The following MED13 variants were observed in gnomAD, a reference collection of about 807,000 sequenced individuals.
MED13 encodes the protein mediator of RNA polymerase II transcription subunit 13.
In MED13, 23 loss-of-function variants were observed where a neutral mutation model predicts 225.2. That is an observed-to-expected ratio of 0.10 (90% CI 0.07 to 0.14). The LOEUF (loss-of-function observed/expected upper bound fraction) is 0.14. Ranked by LOEUF, MED13 falls within the 10% of genes least tolerant of loss-of-function variation. The pLI, the probability that MED13 is intolerant of heterozygous loss-of-function variation, is 1.00. For missense variants in MED13, 2,197 were observed against 2,594.5 expected, an observed-to-expected ratio of 0.85 and a Z score of 3.33; for synonymous variants, 942 against 889.2, an observed-to-expected ratio of 1.06 and a Z score of -1.06.
chr17:62,010,717 A>T lies in MED13; in HGVS notation c.1800T>A (p.Val600=). 1 of 1,608,348 alleles carries T rather than the reference A, an allele frequency of 6.2e-7. No individual in the cohort carries two copies. Residue 600 remains valine (V), a synonymous_variant, in exon 9 of 30, where the codon GTT becomes GTA. Coordinates refer to ENST00000397786, the MANE Select transcript of MED13 (RefSeq NM_005121.3). The stretch of plus-strand genomic sequence containing the variant: ...CTTCTTCCAAGTTTACTGCTGTACC[A>T]ACATATACTGTAGGTTCTACAGCTT... ...YQEAVEPTVY[V]GTAVNLEEDE...
intron 10 of MED13, 68 bp downstream of exon 10, chr17:61,995,084 A>C (rs2080335968): frequency 2.0e-6 from 2 of 1,010,872 alleles, no homozygotes; most frequent in Non-Finnish European, 3.0e-6. Context: ...CTGTGGTAGT[A>C]AGAGTGTTAC....
At chr17:61,997,444 C>T (rs1265960719) in intron 9 of MED13, among the ~76,000 whole-genome samples, 1 of 152,116 alleles carries the variant, frequency 6.6e-6, no homozygotes, top group Non-Finnish European at 1.5e-5. Context: ...TTTTTTACCT[C>T]ACCACATTAG....
chr17:62,016,987 G>A (rs2080588370), intron 8 of MED13, among the ~76,000 whole-genome samples: 1 of 150,964 alleles, frequency 6.6e-6, no homozygotes, highest in African/African-American at 2.4e-5. Flanking sequence ...CTCCAGCCTG[G>A]GTGACAGAAT....
At chr17:62,057,020 G>GA (rs571724153) in intron 2 of MED13, among the ~76,000 whole-genome samples, 2 of 151,332 alleles carry the variant, frequency 1.3e-5, no homozygotes, top group Non-Finnish European at 2.9e-5. Flanking sequence ...TATCAATGGG[G>GA]AAAAAAAATC....
At chr17:62,037,521 C>T (rs1291374980) in intron 3 of MED13, among the ~76,000 whole-genome samples, 11 of 148,726 alleles carry the variant, frequency 7.4e-5, no homozygotes, top group Admixed American at 6.7e-4. Flanking sequence ...AAAAATTAGC[C>T]GGAGGTGCAG....
chr17:61,995,599 AAT>A (rs1212026471), intron 9 of MED13, among the ~76,000 whole-genome samples: 2 of 152,180 alleles, frequency 1.3e-5, no homozygotes, highest in Non-Finnish European at 2.9e-5. Flanking sequence ...TTTCTACCAA[AAT>A]ATGTTGTCTT....
At position 61,961,022 on chromosome 17, in the gene MED13, C is replaced by T. The variant is rs374585320; in HGVS notation, c.5325G>A (p.Glu1775=). The change falls in exon 23 of 30, where the codon GAG becomes GAA. Residue 1775 remains glutamate (E), a synonymous_variant. Coordinates refer to ENST00000397786, the MANE Select transcript of MED13 (RefSeq NM_005121.3). ...CAGCTTCTCCAAATGTTTCTCCTAG[C>T]TCTGTCTGTTTGTCCTTCACTGGAG... ...ILAPVKDKQT[E]LGETFGEAGQ... 2 of 1,613,862 alleles carry T rather than the reference C, an allele frequency of 1.2e-6. No individual in the cohort carries two copies. Among genetic ancestry groups the T allele is most frequent in the Non-Finnish European group, 1.7e-6 (2 of 1,179,990 alleles).
At chr17:61,993,168 T>C (rs1205024960) in intron 10 of MED13, among the ~76,000 whole-genome samples, 1 of 151,788 alleles carries the variant, frequency 6.6e-6, no homozygotes, top group African/African-American at 2.4e-5. Flanking sequence ...ATCTGTCAAA[T>C]TCCAAAGTCC....
At position 61,950,917 on chromosome 17, in the gene MED13, A is replaced by G; in HGVS notation, c.6199T>C (p.Tyr2067His). 1 of 1,614,072 alleles carries G rather than the reference A, an allele frequency of 6.2e-7. No individual in the cohort carries two copies. Among genetic ancestry groups the G allele is most frequent in the Non-Finnish European group, 8.5e-7 (1 of 1,179,938 alleles). The change falls in exon 28 of 30, where the codon TAC (tyrosine) becomes CAC (histidine). Residue 2067 changes from tyrosine (Y) to histidine (H), a missense_variant. Physicochemically the swap from Tyr to His is moderately conservative, Grantham distance 83. Coordinates refer to ENST00000397786, the MANE Select transcript of MED13 (RefSeq NM_005121.3). ...NILQQPLALGYFVSTAKAGPL... is the reference protein window; with the variant it reads ...NILQQPLALGHFVSTAKAGPL... ...CCTGCTTTGGCAGTTGATACAAAGT[A>G]ACCAAGGGCCAATGGTTGCTGAAGA...
At chr17:61,955,157 T>C (rs548308421) in intron 26 of MED13, among the ~76,000 whole-genome samples, 42 of 152,318 alleles carry the variant, frequency 2.8e-4, no homozygotes, top group South Asian at 6.2e-4. Context: ...CTCTTCTATG[T>C]AGTCAAACCT....
intron 4 of MED13, among the ~76,000 whole-genome samples, chr17:62,034,885 G>A (rs1375312822): frequency 1.3e-5 from 2 of 152,062 alleles, no homozygotes; most frequent in South Asian, 2.1e-4. Flanking sequence ...TTGGGAGGCC[G>A]AGGCAGGTGG....
Position 61,982,587 on chromosome 17 carries a change from C to A in MED13, c.3416G>T (p.Gly1139Val). Residue 1139 changes from glycine to valine, a missense_variant, in exon 16 of 30, where the codon GGA becomes GTA. By Grantham distance (109) the Gly-to-Val change is moderately radical. Coordinates refer to ENST00000397786, the MANE Select transcript of MED13 (RefSeq NM_005121.3). ...ATCTAGTTCATCTTCAAGAAATAAT[C>A]CTGAATTGTTTCCAAATTTTCTGTT... is the stretch of plus-strand genomic sequence containing the variant. ...VMNRKFGNNS[G>V]LFLEDELDII... is the part of the protein sequence containing the mutation. The A allele has an allele frequency of 6.2e-7, 1 of 1,614,154 alleles. No homozygotes were observed. Among genetic ancestry groups the A allele is most frequent in the Non-Finnish European group, 8.5e-7 (1 of 1,180,046 alleles).
chr17:61,967,029 A>C (rs1443243202), intron 18 of MED13, among the ~76,000 whole-genome samples: 2 of 152,212 alleles, frequency 1.3e-5, no homozygotes, highest in Admixed American at 1.3e-4. Context: ...CCAATTCATG[A>C]ATTATGAATA....
intron 8 of MED13, among the ~76,000 whole-genome samples, chr17:62,019,007 A>C (rs896764548): frequency 6.6e-6 from 1 of 152,240 alleles, no homozygotes; most frequent in Admixed American, 6.5e-5. Context: ...TAGATTCCAC[A>C]TTCCAACCAA....
chr17:62,065,273 A>C lies in MED13; in HGVS notation c.-68T>G. The C allele has an allele frequency of 1.2e-6, 1 of 805,200 alleles. No homozygotes were observed. Among genetic ancestry groups the C allele is most frequent in the Non-Finnish European group, 1.8e-6 (1 of 550,366 alleles). The allele number at this position is 805,200 out of a possible 1,614,324, so 49.9% of individuals were successfully genotyped here. On this transcript the variant is annotated 5_prime_UTR_variant, in exon 1 of 30. Coordinates refer to ENST00000397786, the MANE Select transcript of MED13 (RefSeq NM_005121.3). ...CGCCATTACCGCCGCCTCCGACCAG[A>C]GAGAGAAACACAGACACCGGGGAGG...
rs568787284 is a variant in MED13 at position 62,027,891 on chromosome 17, C to T, written c.1283+1650G>A. Among the ~76,000 whole-genome samples, 23 of 152,188 alleles carry T rather than the reference C, an allele frequency of 1.5e-4. 1 individual carries two copies. In the South Asian group the frequency reaches 4.4e-3, roughly 29 times the overall value. On this transcript the variant is annotated intron_variant, in intron 8 of 29. Coordinates refer to ENST00000397786, the MANE Select transcript of MED13 (RefSeq NM_005121.3). ...TAACATCTCACACCAGTCAGAATGG[C>T]TATTATTAAAAAGTCAAAAAATAAC...
chr17:62,027,197 A>G (rs953939945), intron 8 of MED13, among the ~76,000 whole-genome samples: 12 of 152,350 alleles, frequency 7.9e-5, no homozygotes, highest in African/African-American at 2.9e-4. Flanking sequence ...CTATAGGACT[A>G]CAGTTACCAA....
intron 9 of MED13, chr17:62,005,567 A>G (rs953102248): frequency 3.9e-5 from 6 of 152,260 alleles, no homozygotes; most frequent in Admixed American, 2.0e-4. Flanking sequence ...GACTGCGCCA[A>G]TGCGCTCCAG....
intron 18 of MED13, 121 bp from the exon 19 acceptor site, chr17:61,966,772 G>T: frequency 5.1e-6 from 3 of 589,622 alleles, no homozygotes; most frequent in Non-Finnish European, 7.7e-6. Flanking sequence ...TAACAGTTAT[G>T]ATAAAAATAT....
Sources: allele counts gnomAD v4.1 joint callset (sites outside exome capture counted in the v4.1 genomes callset), GRCh38; gene constraint gnomAD v4.1.1; transcripts MANE v1.5; gene names NCBI Gene and HGNC (gene_info 2026-07-23, HGNC 2026-07-21).